TDRD15: variants seen among roughly 807,000 people sequenced by gnomAD.
TDRD15 encodes the protein tudor domain-containing protein 15.
For synonymous variants in TDRD15, 503 were observed against 314.5 expected (o/e 1.60, Z -6.34); for missense variants, 1,416 against 904.7 (o/e 1.57, Z -7.25).
At position 21,138,133 on chromosome 2, in the gene TDRD15, T is replaced by A. The variant is rs1383820957; in HGVS notation, c.666T>A (p.Thr222=). The A allele has an allele frequency of 1.4e-6, 1 of 716,610 alleles. No individual in the cohort carries two copies. The highest frequency in any genetic ancestry group is 2.0e-5 in the Admixed American group (1 of 49,938). 44.4% of individuals were successfully genotyped at this position (716,610 alleles called of 1,614,324 possible). A position where few individuals can be genotyped will look rare whatever the true frequency, so the allele number is the denominator to read the frequency against. ...RPELSLGNKD[T]SLDIQHVLDK... is the part of the protein sequence containing the mutation. Reference sequence around the variant, plus strand: ...AATTGTCATTAGGTAATAAAGATACTTCACTTGATATTCAGCATGTTCTGG... The same window carrying A: ...AATTGTCATTAGGTAATAAAGATACATCACTTGATATTCAGCATGTTCTGG... Residue 222 remains threonine, a synonymous_variant, in exon 4 of 4, where the codon ACT becomes ACA. Transcript: ENST00000405799.
chr2:21,143,784 C>T lies in TDRD15; in HGVS notation c.*512C>T, dbSNP rs1308089650. On this transcript the variant is annotated 3_prime_UTR_variant, in exon 4 of 4. Transcript: ENST00000405799. ...TAACATCCAAATTGAAAATATGTTG[C>T]AGGAAAACTTACTAGAAAATCTGGA... 6.6e-6 allele frequency among the ~76,000 whole-genome samples: 1 copy of T among 151,546 alleles called. No individual in the cohort carries two copies. The highest frequency in any genetic ancestry group is 1.5e-5 in the Non-Finnish European group (1 of 67,672).
chr2:21,140,305 A>G lies in TDRD15; in HGVS notation c.2838A>G (p.Pro946=). 2.8e-6 allele frequency: 2 copies of G among 714,564 alleles called. No individual in the cohort carries two copies. The highest frequency in any genetic ancestry group is 2.7e-5 in the East Asian group (1 of 37,174). 44.3% of individuals were successfully genotyped at this position (714,564 alleles called of 1,614,324 possible). A position where few individuals can be genotyped will look rare whatever the true frequency, so the allele number is the denominator to read the frequency against. ...ATATCACATTATCAGAGACATTCCC[A>G]TCTTTATTTAGTCTTTACAGTTACT... ...AQYITLSETF[P]SLFSLYSYCY... Residue 946 remains proline, a synonymous_variant, in exon 4 of 4, where the codon CCA becomes CCG. Transcript: ENST00000405799.
In TDRD15 at chr2:21,140,623, G is replaced by A; in HGVS notation, c.3156G>A (p.Lys1052=). 1 of 715,234 alleles carries A rather than the reference G, an allele frequency of 1.4e-6. No individual in the cohort carries two copies. The highest frequency in any genetic ancestry group is 2.6e-6 in the Non-Finnish European group (1 of 383,660). The allele number at this position is 715,234 out of a possible 1,614,324, so 44.3% of individuals were successfully genotyped here. ...TCTATTTTGTAGACTTTGGAAATAA[G>A]CAATTAGTAGGAGAAAATATGTTGA... ...FQVYFVDFGN[K]QLVGENMLRA... is the part of the protein sequence containing the mutation. Residue 1052 remains lysine (K), a synonymous_variant, in exon 4 of 4, where the codon AAG becomes AAA. Transcript: ENST00000405799.
chr2:21,124,944 C>T lies in TDRD15; in HGVS notation c.-201+898C>T, dbSNP rs1010099486. On this transcript the variant is annotated intron_variant, in intron 1 of 3. Coordinates refer to ENST00000405799, the MANE Select transcript of TDRD15 (RefSeq NM_001306137.2). ...TGTCAGGTTGTGTGTGAGAGAGACC[C>T]TAATGCCAGGGTGTGTGAGCATGAC... Among the ~76,000 whole-genome samples the T allele has an allele frequency of 2.1e-5, 3 of 146,112 alleles. No homozygotes were observed. The East Asian group carries it at 6.3e-4, about 31-fold the overall frequency.
rs1246033877 is a variant in TDRD15 at position 21,140,807 on chromosome 2, C to G, written c.3340C>G (p.Gln1114Glu). The change falls in exon 4 of 4, where the codon CAG becomes GAG. Residue 1114 changes from glutamine (Q) to glutamate (E), a missense_variant. By Grantham distance (29) the Gln-to-Glu change is conservative. Transcript: ENST00000405799. ...GRSLKAIILS[Q>E]ESDGQLGIEL... ...ATCATTAAAGGCGATAATATTGTCC[C>G]AGGAGTCAGATGGACAGCTTGGTAT... 1.4e-6 allele frequency: 1 copy of G among 715,260 alleles called. No homozygotes were observed. Among genetic ancestry groups the G allele is most frequent in the South Asian group, 1.5e-5 (1 of 67,432 alleles). The allele number at this position is 715,260 out of a possible 1,614,324, so 44.3% of individuals were successfully genotyped here. A position where few individuals can be genotyped will look rare whatever the true frequency, so the allele number is the denominator to read the frequency against.
rs1572298274 is a variant in TDRD15 at position 21,136,612 on chromosome 2, C to T, written c.-3-853C>T. 3.3e-5 allele frequency among the ~76,000 whole-genome samples: 5 copies of T among 152,074 alleles called. 1 individual carries two copies. The South Asian group carries it at 1.0e-3, about 32-fold the overall frequency. On this transcript the variant is annotated intron_variant, in intron 3 of 3. Transcript: ENST00000405799. ...AATTAATGCCTGTCAACTGTTAACT[C>T]AGAGTCAAGGAAGAGTTTAGCTGTA... is the stretch of plus-strand genomic sequence containing the variant.
At chr2:21,144,473 A>G (rs1356233413), downstream of TDRD15, among the ~76,000 whole-genome samples, 3 of 151,846 alleles carry the variant, frequency 2.0e-5, no homozygotes, top group African/African-American at 7.2e-5. Flanking sequence ...TTTGAATTTT[A>G]CCTAGATGTT....
chr2:21,142,471 A>G lies in TDRD15; in HGVS notation c.5004A>G (p.Lys1668=). 1.4e-6 allele frequency: 1 copy of G among 705,846 alleles called. No homozygotes were observed. Among genetic ancestry groups the G allele is most frequent in the Non-Finnish European group, 2.6e-6 (1 of 380,720 alleles). The allele number at this position is 705,846 out of a possible 1,614,324, so 43.7% of individuals were successfully genotyped here. A position where few individuals can be genotyped will look rare whatever the true frequency, so the allele number is the denominator to read the frequency against. ...TGGAAATAAATATTCTTTTCCTGAA[A>G]TATTTAGATGCTGTTTGGGAAGTAG... ...ADLEINILFL[K]YLDAVWEVEI... The change falls in exon 4 of 4, where the codon AAA becomes AAG. Residue 1668 remains lysine (K), a synonymous_variant. Coordinates refer to ENST00000405799, the MANE Select transcript of TDRD15 (RefSeq NM_001306137.2).
intron 2 of TDRD15, among the ~76,000 whole-genome samples, chr2:21,128,454 C>T (rs13423380): frequency 0.17 from 25,394 of 151,780 alleles, 2,378 homozygotes; most frequent in African/African-American, 0.23. Flanking sequence ...TCCCGAGTAG[C>T]TGGTACTACA....
At chr2:21,126,281 T>A (rs893280949) in intron 1 of TDRD15, among the ~76,000 whole-genome samples, 18 of 152,212 alleles carry the variant, frequency 1.2e-4, no homozygotes, top group African/African-American at 3.9e-4. Flanking sequence ...ACAAATGGAC[T>A]CATAAAATGT....
At chr2:21,147,270 A>G (rs1296100320), downstream of TDRD15, among the ~76,000 whole-genome samples, 5 of 151,936 alleles carry the variant, frequency 3.3e-5, no homozygotes, top group African/African-American at 1.2e-4. Flanking sequence ...TCATCATTAA[A>G]TTTCTATTCT....
intron 3 of TDRD15, among the ~76,000 whole-genome samples, 160 bp downstream of exon 3, chr2:21,135,007 TTATA>T (rs1214405253): frequency 1.0e-4 from 15 of 147,060 alleles, no homozygotes; most frequent in Non-Finnish European, 1.9e-4. Flanking sequence ...TAAATTGTAT[TTATA>T]TATAAATTGT....
chr2:21,126,095 A>G (rs1449188172), intron 1 of TDRD15, among the ~76,000 whole-genome samples: 1 of 152,152 alleles, frequency 6.6e-6, no homozygotes, highest in Non-Finnish European at 1.5e-5. Flanking sequence ...TTTGAAGTGT[A>G]CAATTTGACA....
At position 21,138,644 on chromosome 2, in the gene TDRD15, G is replaced by A. The variant is rs544206721; in HGVS notation, c.1177G>A (p.Asp393Asn). The change falls in exon 4 of 4, where the codon GAT becomes AAT. Residue 393 changes from aspartate (D) to asparagine (N), a missense_variant. By Grantham distance (23) the Asp-to-Asn change is conservative. Transcript: ENST00000405799. ...VYAHIDWFNK[D>N]ECLYYVTLQT... ...TGCACACATTGATTGGTTCAATAAG[G>A]ATGAGTGTTTGTATTATGTGACATT... 2.0e-5 allele frequency: 14 copies of A among 714,404 alleles called. No individual in the cohort carries two copies. Among genetic ancestry groups the A allele is most frequent in the African/African-American group, 1.7e-4 (10 of 57,228 alleles). 44.3% of individuals were successfully genotyped at this position (714,404 alleles called of 1,614,324 possible). A position where few individuals can be genotyped will look rare whatever the true frequency, so the allele number is the denominator to read the frequency against.
At position 21,137,681 on chromosome 2, in the gene TDRD15, G is replaced by C; in HGVS notation, c.214G>C (p.Val72Leu). ...IDEFCLVEER[V>L]SGEWQRGRVM... ...TGAATTTTGTTTGGTGGAAGAAAGA[G>C]TATCTGGAGAATGGCAGAGAGGAAG... The change falls in exon 4 of 4, where the codon GTA becomes CTA. Residue 72 changes from valine to leucine, a missense_variant. Transcript: ENST00000405799. The C allele has an allele frequency of 1.4e-6, 1 of 714,496 alleles. No individual in the cohort carries two copies. Among genetic ancestry groups the C allele is most frequent in the South Asian group, 1.5e-5 (1 of 66,980 alleles). The allele number at this position is 714,496 out of a possible 1,614,324, so 44.3% of individuals were successfully genotyped here.
intron 1 of TDRD15, among the ~76,000 whole-genome samples, chr2:21,125,283 A>T (rs868572681): frequency 1.3e-5 from 2 of 148,688 alleles, no homozygotes; most frequent in Admixed American, 6.6e-5. Flanking sequence ...TCTGTGTGTG[A>T]GAGAGAGCGA....
At position 21,129,246 on chromosome 2, in the gene TDRD15, T is replaced by C. The variant is rs115071638; in HGVS notation, c.-90+1535T>C. Among the ~76,000 whole-genome samples the C allele has an allele frequency of 9.4e-3, 1,436 of 152,346 alleles. 11 individuals are homozygous for C. The highest frequency in any genetic ancestry group is 0.048 in the Middle Eastern group (14 of 294). ...GATGTGTTTTCAGTTTTCTTTGGTCTATATCTAGTAATGGAATTGCTGTTT... is the reference window on the plus strand; with the variant it reads ...GATGTGTTTTCAGTTTTCTTTGGTCCATATCTAGTAATGGAATTGCTGTTT... On this transcript the variant is annotated intron_variant, in intron 2 of 3. Transcript: ENST00000405799.
Position 21,138,414 on chromosome 2 carries a change from C to A in TDRD15, c.947C>A (p.Pro316Gln), listed in dbSNP as rs768223145. The change falls in exon 4 of 4, where the codon CCA (proline) becomes CAA (glutamine). Residue 316 changes from proline to glutamine, a missense_variant. Transcript: ENST00000405799. Reference sequence around the variant, plus strand: ...GGAATTCTTCAGCAGCTCTTGCCCCCAAATCAAGTAAAAATTTGGTTTATG... The same window carrying A: ...GGAATTCTTCAGCAGCTCTTGCCCCAAAATCAAGTAAAAATTTGGTTTATG... ...HRGILQQLLPPNQVKIWFMDY... is the reference protein window; with the variant it reads ...HRGILQQLLPQNQVKIWFMDY... The A allele has an allele frequency of 2.8e-6, 2 of 715,622 alleles. No homozygotes were observed. The highest frequency in any genetic ancestry group is 3.5e-5 in the African/African-American group (2 of 57,256). 44.3% of individuals were successfully genotyped at this position (715,622 alleles called of 1,614,324 possible). A position where few individuals can be genotyped will look rare whatever the true frequency, so the allele number is the denominator to read the frequency against.
At chr2:21,126,672 A>G (rs960324557) in intron 1 of TDRD15, among the ~76,000 whole-genome samples, 4 of 152,146 alleles carry the variant, frequency 2.6e-5, no homozygotes, top group African/African-American at 9.7e-5. Context: ...GATAGTTTCC[A>G]TTTTATGCGT....
Sources: allele counts gnomAD v4.1 joint callset (sites outside exome capture counted in the v4.1 genomes callset), GRCh38; gene constraint gnomAD v4.1.1; transcripts MANE v1.5; gene names NCBI Gene and HGNC (gene_info 2026-07-23, HGNC 2026-07-21).